The following NPAS3 variants were observed in gnomAD, a reference collection of about 807,000 sequenced individuals.
NPAS3 encodes neuronal PAS domain-containing protein 3.
A neutral mutation model predicts 73.1 loss-of-function variants in NPAS3; 14 were observed. The ratio of observed to expected loss-of-function variants is 0.19; its 90% CI spans 0.13 to 0.30. NPAS3 has a LOEUF of 0.30. NPAS3 is among the 10% of genes least tolerant of loss of function. The pLI is 1.00. For synonymous variants in NPAS3, 620 were observed against 541.5 expected (o/e 1.14, Z -2.01); for missense variants, 1,096 against 1,250.0 (o/e 0.88, Z 1.86).
chr14:33,513,897 G>T (rs1164690963), intron 4 of NPAS3, among the ~76,000 whole-genome samples: 1 of 152,076 alleles, frequency 6.6e-6, no homozygotes, highest in Admixed American at 6.6e-5. Flanking sequence ...TTTGAGAGGG[G>T]TGAGGTGGTT....
At chr14:32,961,463 G>A (rs2139225484) in intron 1 of NPAS3, among the ~76,000 whole-genome samples, 1 of 150,942 alleles carries the variant, frequency 6.6e-6, no homozygotes, top group East Asian at 2.0e-4. Context: ...TTGTAGTACT[G>A]CCACCTTATA....
intron 5 of NPAS3, among the ~76,000 whole-genome samples, chr14:33,656,168 A>T (rs7155515): frequency 6.6e-6 from 1 of 151,588 alleles, no homozygotes; most frequent in African/African-American, 2.4e-5. Context: ...CACTGCAAAC[A>T]GAAGACTAGT....
chr14:33,753,146 G>A (rs974626298), intron 7 of NPAS3, among the ~76,000 whole-genome samples: 1 of 152,134 alleles, frequency 6.6e-6, no homozygotes, highest in African/African-American at 2.4e-5. Flanking sequence ...AGAGAAAGTG[G>A]AAAGCAATGT....
At chr14:33,253,290 C>CT (rs1566726952) in intron 3 of NPAS3, among the ~76,000 whole-genome samples, 1 of 151,970 alleles carries the variant, frequency 6.6e-6, no homozygotes, top group South Asian at 2.1e-4. Context: ...TTATTGTTTT[C>CT]TTTTTTTAGA....
At chr14:33,526,380 T>G (rs1254818715) in intron 4 of NPAS3, among the ~76,000 whole-genome samples, 10 of 142,970 alleles carry the variant, frequency 7.0e-5, no homozygotes, top group Admixed American at 4.3e-4. Context: ...CATTTGTTTG[T>G]TTTTAATAAA....
At chr14:33,392,227 G>A (rs1482395755) in intron 4 of NPAS3, among the ~76,000 whole-genome samples, 1 of 152,022 alleles carries the variant, frequency 6.6e-6, no homozygotes, top group East Asian at 1.9e-4. Flanking sequence ...ATTACCCCTG[G>A]ATTGTAACAT....
chr14:33,093,799 A>T lies in NPAS3; in HGVS notation c.140+37805A>T, dbSNP rs139135749. Among the ~76,000 whole-genome samples, 645 of 152,270 alleles carry T rather than the reference A, an allele frequency of 4.2e-3. 3 individuals are homozygous for T. Among genetic ancestry groups the T allele is most frequent in the Admixed American group, 8.9e-3 (136 of 15,284 alleles). On this transcript the variant is annotated intron_variant, in intron 2 of 11. Coordinates refer to ENST00000356141, the Ensembl canonical transcript of NPAS3. Reference sequence around the variant, plus strand: ...GAATACTATGCAGCTACAAAAAAGGATGAGTTTTTGTCCTTTGTAGGGACA... The same window carrying T: ...GAATACTATGCAGCTACAAAAAAGGTTGAGTTTTTGTCCTTTGTAGGGACA...
At chr14:33,567,041 A>G (rs957634598) in intron 5 of NPAS3, among the ~76,000 whole-genome samples, 4 of 152,170 alleles carry the variant, frequency 2.6e-5, no homozygotes, top group African/African-American at 9.7e-5. Flanking sequence ...TTACGCCTAG[A>G]ATTTTTCTGT....
chr14:33,531,678 C>T (rs536580289), intron 4 of NPAS3, among the ~76,000 whole-genome samples: 1 of 152,070 alleles, frequency 6.6e-6, no homozygotes, highest in East Asian at 1.9e-4. Flanking sequence ...CTTACATTTC[C>T]CTAGGGTAAA....
At chr14:33,384,462 G>T (rs2138499905) in intron 4 of NPAS3, among the ~76,000 whole-genome samples, 1 of 151,910 alleles carries the variant, frequency 6.6e-6, no homozygotes, top group East Asian at 1.9e-4. Context: ...AGGTGCAGTG[G>T]CTCACACCTG....
At chr14:33,214,934 GA>G (rs777275627) in intron 2 of NPAS3, 66 of 503,366 alleles carry the variant, frequency 1.3e-4, no homozygotes, top group Middle Eastern at 1.1e-3. Flanking sequence ...ACAATTGAAG[GA>G]AAAAAACCTT....
Position 33,544,788 on chromosome 14 carries a change from T to TTATACATATA in NPAS3, c.469-15329_469-15328insCATATATATA, listed in dbSNP as rs1555409892. On this transcript the variant is annotated intron_variant, in intron 4 of 11. Transcript: ENST00000356141. ...GCATGTATGTGTTTATGTGTGTGTATTATATATATATATATATATATATGT... is the reference window on the plus strand; with the variant it reads ...GCATGTATGTGTTTATGTGTGTGTATTATACATATATATATATATATATATATATATATGT... 1.4e-4 allele frequency among the ~76,000 whole-genome samples: 9 copies of TTATACATATA among 63,264 alleles called. 1 individual carries two copies. Among genetic ancestry groups the TTATACATATA allele is most frequent in the African/African-American group, 7.8e-4 (9 of 11,584 alleles). 41.5% of individuals were successfully genotyped at this position (63,264 alleles called of 152,430 possible). A position where few individuals can be genotyped will look rare whatever the true frequency, so the allele number is the denominator to read the frequency against.
At chr14:33,781,816 T>C (rs1011842056) in intron 9 of NPAS3, among the ~76,000 whole-genome samples, 15 of 152,242 alleles carry the variant, frequency 9.9e-5, no homozygotes, top group African/African-American at 3.4e-4. Context: ...TTATCACTTA[T>C]ATCTTTTTTC....
At chr14:32,977,429 CAT>C (rs1207877000) in intron 1 of NPAS3, among the ~76,000 whole-genome samples, 2 of 151,412 alleles carry the variant, frequency 1.3e-5, no homozygotes, top group African/African-American at 4.9e-5. Flanking sequence ...AGAAAAAGCA[CAT>C]GTGCAATTTC....
downstream of NPAS3, chr14:33,803,717 A>G (rs1306712595): frequency 6.6e-6 from 1 of 151,988 alleles, no homozygotes; most frequent in Non-Finnish European, 1.5e-5. Context: ...AATGAAAAAA[A>G]AAAAAAAAAC....
At chr14:33,355,013 G>GAATGCC (rs149610159) in intron 3 of NPAS3, among the ~76,000 whole-genome samples, 3,120 of 152,240 alleles carry the variant, frequency 0.02, 48 homozygotes, top group South Asian at 0.038. Flanking sequence ...GATGGATGCC[G>GAATGCC]AATGCCGTGT....
At chr14:33,213,241 A>AC (rs2047103625) in intron 2 of NPAS3, among the ~76,000 whole-genome samples, 1 of 151,212 alleles carries the variant, frequency 6.6e-6, no homozygotes, top group African/African-American at 2.4e-5. Flanking sequence ...ACTGGACCAA[A>AC]AAAAAATTGT....
At chr14:33,288,039 A>T (rs1594605695) in intron 3 of NPAS3, among the ~76,000 whole-genome samples, 1 of 152,318 alleles carries the variant, frequency 6.6e-6, no homozygotes, top group East Asian at 1.9e-4. Context: ...TACTATTTAT[A>T]TGCAAATTAC....
intron 3 of NPAS3, among the ~76,000 whole-genome samples, chr14:33,227,066 A>G (rs1317783543): frequency 1.3e-5 from 2 of 152,232 alleles, no homozygotes; most frequent in African/African-American, 2.4e-5. Flanking sequence ...AAAATGCAGT[A>G]TGTCCTAGAG....
Sources: allele counts gnomAD v4.1 joint callset (sites outside exome capture counted in the v4.1 genomes callset), GRCh38; gene constraint gnomAD v4.1.1; transcripts MANE v1.5; gene names NCBI Gene and HGNC (gene_info 2026-07-23, HGNC 2026-07-21).